The following NEDD9 variants were observed in gnomAD, a reference collection of about 807,000 sequenced individuals.
NEDD9 encodes enhancer of filamentation 1.
NEDD9 carries 26 observed loss-of-function variants against 76.6 expected under a neutral mutation model. The ratio of observed to expected loss-of-function variants is 0.34; its 90% CI spans 0.25 to 0.47. NEDD9 has a LOEUF of 0.47. Among genes scored for constraint, NEDD9 ranks in the 20% least tolerant of loss-of-function variants. NEDD9 has a pLI of 1.00. For missense variants in NEDD9, 937 were observed against 1,058.5 expected (o/e 0.89, Z 1.59); for synonymous variants, 392 against 414.2 (o/e 0.95, Z 0.65).
chr6:11,191,234 A>G (rs751873824), intron 4 of NEDD9, 29 bp from the exon 5 acceptor site: 2 of 1,543,216 alleles, frequency 1.3e-6, no homozygotes, highest in African/African-American at 1.4e-5. Context: ...GCGAAATGCT[A>G]TTTATTGAGT....
intron 3 of NEDD9, among the ~76,000 whole-genome samples, chr6:11,282,652 G>A (rs889924717): frequency 6.6e-6 from 1 of 152,002 alleles, no homozygotes; most frequent in Non-Finnish European, 1.5e-5. Context: ...TTTTTTCATG[G>A]CATGGAACCT....
At chr6:11,340,219 C>T (rs529418426) in intron 1 of NEDD9, among the ~76,000 whole-genome samples, 33 of 152,302 alleles carry the variant, frequency 2.2e-4, no homozygotes, top group African/African-American at 7.7e-4. Flanking sequence ...TAATTTCCTT[C>T]AGTCTTGTTT....
At chr6:11,188,379 G>C in intron 5 of NEDD9, 72 bp from the exon 6 acceptor site, 1 of 1,247,660 alleles carries the variant, frequency 8.0e-7, no homozygotes, top group Non-Finnish European at 1.2e-6. Context: ...TTTCATTGAC[G>C]GATGAGTAAA....
chr6:11,312,440 C>T (rs1761399334), intron 2 of NEDD9, among the ~76,000 whole-genome samples: 1 of 152,098 alleles, frequency 6.6e-6, no homozygotes, highest in Non-Finnish European at 1.5e-5. Flanking sequence ...TCCTCTCTGT[C>T]CCTACTGCTG....
At chr6:11,330,055 T>C (rs934297116) in intron 2 of NEDD9, among the ~76,000 whole-genome samples, 1 of 152,222 alleles carries the variant, frequency 6.6e-6, no homozygotes, top group Non-Finnish European at 1.5e-5. Context: ...ATTGAGTGGG[T>C]CAAACGTGGC....
chr6:11,308,472 C>T (rs1054205106), intron 2 of NEDD9, among the ~76,000 whole-genome samples: 14 of 150,496 alleles, frequency 9.3e-5, no homozygotes, highest in Non-Finnish European at 1.8e-4. Context: ...CAGGTTCACG[C>T]CATTCTCCTG....
intron 1 of NEDD9, among the ~76,000 whole-genome samples, chr6:11,224,220 C>T (rs977231194): frequency 5.9e-5 from 9 of 152,148 alleles, no homozygotes; most frequent in South Asian, 2.1e-4. Context: ...ATTCAATCAA[C>T]GTTATGTGTT....
chr6:11,270,206 G>A (rs1760274387), intron 3 of NEDD9, among the ~76,000 whole-genome samples: 1 of 152,172 alleles, frequency 6.6e-6, no homozygotes, highest in African/African-American at 2.4e-5. Context: ...TTTGCCATAG[G>A]GCGCTTTCTC....
chr6:11,355,078 T>G (rs979929378), intron 1 of NEDD9, among the ~76,000 whole-genome samples: 1 of 152,208 alleles, frequency 6.6e-6, no homozygotes, highest in African/African-American at 2.4e-5. Flanking sequence ...CAGATCTCAG[T>G]AGGGCACAGT....
chr6:11,293,623 T>C (rs1173427553), intron 3 of NEDD9, among the ~76,000 whole-genome samples: 2 of 152,014 alleles, frequency 1.3e-5, no homozygotes. Flanking sequence ...ACCGTCTATG[T>C]GTGTGTGTGT....
At chr6:11,377,667 A>G (rs1762989465) in intron 1 of NEDD9, among the ~76,000 whole-genome samples, 5 of 152,204 alleles carry the variant, frequency 3.3e-5, no homozygotes, top group Admixed American at 3.3e-4. Flanking sequence ...ATGAGACACG[A>G]CTTTGTACTT....
chr6:11,258,291 G>A (rs1036894196), intron 3 of NEDD9, among the ~76,000 whole-genome samples: 9 of 152,208 alleles, frequency 5.9e-5, no homozygotes, highest in African/African-American at 1.9e-4. Context: ...AGGCCACCAA[G>A]GCTTTTACAT....
chr6:11,262,938 T>C (rs1366881579), intron 3 of NEDD9, among the ~76,000 whole-genome samples: 1 of 152,216 alleles, frequency 6.6e-6, no homozygotes, highest in Admixed American at 6.5e-5. Flanking sequence ...AATTGTCTTA[T>C]AGAAAATGAG....
At chr6:11,371,167 G>T (rs1278927715) in intron 1 of NEDD9, among the ~76,000 whole-genome samples, 1 of 152,154 alleles carries the variant, frequency 6.6e-6, no homozygotes, top group Admixed American at 6.5e-5. Flanking sequence ...AAGGTACAGA[G>T]ATTTCCCATA....
intron 3 of NEDD9, among the ~76,000 whole-genome samples, chr6:11,287,752 T>C (rs1760682393): frequency 6.6e-6 from 1 of 152,010 alleles, no homozygotes; most frequent in South Asian, 2.1e-4. Flanking sequence ...GGGGTTGGAG[T>C]TTGGGGCAGA....
chr6:11,248,021 G>A (rs1417998476), intron 3 of NEDD9, among the ~76,000 whole-genome samples: 1 of 151,488 alleles, frequency 6.6e-6, no homozygotes, highest in African/African-American at 2.4e-5. Context: ...CATTTTTAAG[G>A]GTTTTTTTAA....
chr6:11,333,177 C>G (rs1302522143), intron 2 of NEDD9, among the ~76,000 whole-genome samples: 1 of 152,008 alleles, frequency 6.6e-6, no homozygotes, highest in Non-Finnish European at 1.5e-5. Context: ...TGTCTATCAG[C>G]ACAAAGAAGA....
At chr6:11,291,240 C>A (rs1278253943) in intron 3 of NEDD9, among the ~76,000 whole-genome samples, 3 of 148,832 alleles carry the variant, frequency 2.0e-5, no homozygotes, top group Admixed American at 6.7e-5. Context: ...TAGGGAATGG[C>A]AGAGCACAGG....
At chr6:11,243,796 C>G (rs536574775) in intron 3 of NEDD9, among the ~76,000 whole-genome samples, 14 of 152,292 alleles carry the variant, frequency 9.2e-5, no homozygotes, top group African/African-American at 3.4e-4. Flanking sequence ...ACTCTGATGA[C>G]AATCACATCT....
Sources: gnomAD v4.1 joint callset for allele counts (sites outside exome capture counted in the v4.1 genomes callset) on GRCh38, gnomAD v4.1.1 for gene constraint, MANE v1.5 for transcripts, NCBI Gene and HGNC (gene_info 2026-07-23, HGNC 2026-07-21) for gene names.